Variants in ARHGEF3 observed in about 807,000 individuals in gnomAD.
ARHGEF3 encodes 59.8 kDA protein.
Under a neutral mutation model 63.2 loss-of-function variants are expected in ARHGEF3, and 28 were observed. The observed-to-expected ratio is 0.44, with a 90% CI of 0.33 to 0.61. The LOEUF (loss-of-function observed/expected upper bound fraction) is 0.61, where lower values mean the gene tolerates loss of function less well. Among genes scored for constraint, ARHGEF3 ranks in the 20% least tolerant of loss-of-function variants. The pLI is 0.03. For synonymous variants in ARHGEF3, 266 were observed against 254.2 expected, an observed-to-expected ratio of 1.05 and a Z score of -0.44; for missense variants, 533 against 659.3, an observed-to-expected ratio of 0.81 and a Z score of 2.10.
At position 56,936,411 on chromosome 3, in the gene ARHGEF3, C is replaced by T. The variant is rs1160395908; in HGVS notation, c.129+22412G>A. Among the ~76,000 whole-genome samples, 3 of 152,334 alleles carry T rather than the reference C, an allele frequency of 2.0e-5. No homozygotes were observed. The East Asian group carries it at 5.8e-4, about 29-fold the overall frequency. On this transcript the variant is annotated intron_variant, in intron 3 of 12. Transcript: ENST00000338458. ...GCAAGTGCCTATTCTTTGCCAAAAA[C>T]TCTGTCTAAAATATTCACCAAAATA...
chr3:56,977,165 T>G (rs1337429874), intron 2 of ARHGEF3: 3 of 445,238 alleles, frequency 6.7e-6, no homozygotes, highest in African/African-American at 6.0e-5. Context: ...TCCAGGATCC[T>G]GCCCCAGAGC....
chr3:56,782,263 G>A (rs1442152644), intron 1 of ARHGEF3, among the ~76,000 whole-genome samples: 2 of 152,040 alleles, frequency 1.3e-5, no homozygotes, highest in Non-Finnish European at 2.9e-5. Flanking sequence ...AAATCCCAAC[G>A]GAAACCTGAC....
intron 4 of ARHGEF3, among the ~76,000 whole-genome samples, chr3:56,835,979 T>C (rs1286342647): frequency 6.6e-6 from 1 of 152,220 alleles, no homozygotes; most frequent in Non-Finnish European, 1.5e-5. Context: ...AGAAAAATCA[T>C]GTCTCTTAGA....
intron 6 of ARHGEF3, among the ~76,000 whole-genome samples, chr3:56,750,654 T>C (rs1236213037): frequency 1.3e-5 from 2 of 151,738 alleles, no homozygotes; most frequent in South Asian, 4.1e-4. Context: ...AGAATTTTTT[T>C]TTAATAGCAT....
intron 1 of ARHGEF3, among the ~76,000 whole-genome samples, chr3:57,059,944 G>A (rs533055944): frequency 9.9e-5 from 15 of 151,988 alleles, no homozygotes; most frequent in Non-Finnish European, 1.6e-4. Context: ...TGCAGTCAGC[G>A]GAGATCACGC....
intron 2 of ARHGEF3, among the ~76,000 whole-genome samples, chr3:57,023,911 C>G (rs1703363440): frequency 1.3e-5 from 2 of 152,228 alleles, no homozygotes; most frequent in South Asian, 4.1e-4. Context: ...CAAGAGTCGG[C>G]CTGTGCCATT....
At chr3:56,886,524 A>G (rs2040930738) in intron 3 of ARHGEF3, among the ~76,000 whole-genome samples, 1 of 152,262 alleles carries the variant, frequency 6.6e-6, no homozygotes, top group South Asian at 2.1e-4. Context: ...AGAGTAGCTC[A>G]TGGAAGAAAT....
At chr3:57,079,145 CG>C in intron 1 of ARHGEF3, 2 of 382,496 alleles carry the variant, frequency 5.2e-6, no homozygotes, top group African/African-American at 2.1e-5. Flanking sequence ...GGAGACCTAG[CG>C]GGGGTGTCCC....
intron 2 of ARHGEF3, among the ~76,000 whole-genome samples, chr3:56,968,268 TA>T (rs1376246289): frequency 1.0e-4 from 4 of 38,260 alleles, no homozygotes; most frequent in African/African-American, 2.2e-4. Context: ...TTTAAATATA[TA>T]ATATATAAAA....
At chr3:57,062,639 G>GT (rs1705292048) in intron 1 of ARHGEF3, among the ~76,000 whole-genome samples, 1 of 152,208 alleles carries the variant, frequency 6.6e-6, no homozygotes, top group South Asian at 2.1e-4. Context: ...CTATGTAGCT[G>GT]TTTAACAAGC....
At chr3:56,786,378 T>G (rs543269367) in intron 1 of ARHGEF3, among the ~76,000 whole-genome samples, 3 of 152,304 alleles carry the variant, frequency 2.0e-5, no homozygotes, top group East Asian at 3.9e-4. Context: ...CTATAATGGA[T>G]TCATCTGGCA....
intron 2 of ARHGEF3, among the ~76,000 whole-genome samples, chr3:56,767,680 A>C (rs2035786408): frequency 6.6e-6 from 1 of 151,062 alleles, no homozygotes; most frequent in East Asian, 2.0e-4. Flanking sequence ...TTTTTTGGTG[A>C]TGGGAAGTAG....
intron 4 of ARHGEF3, among the ~76,000 whole-genome samples, chr3:56,860,264 A>C (rs899074643): frequency 1.6e-4 from 24 of 151,958 alleles, no homozygotes; most frequent in African/African-American, 5.8e-4. Context: ...TGCAGCCTCA[A>C]ATTCCTGGGC....
intron 2 of ARHGEF3, among the ~76,000 whole-genome samples, chr3:56,978,104 G>A (rs1362709528): frequency 9.9e-5 from 15 of 152,154 alleles, no homozygotes; most frequent in African/African-American, 2.4e-4. Flanking sequence ...GGTCACCCCC[G>A]CCCCGTACTA....
intron 4 of ARHGEF3, among the ~76,000 whole-genome samples, chr3:56,832,688 C>T (rs1001990073): frequency 2.0e-5 from 3 of 152,206 alleles, no homozygotes; most frequent in Non-Finnish European, 4.4e-5. Context: ...ATTATATTCA[C>T]AATGCTGTAC....
intron 3 of ARHGEF3, among the ~76,000 whole-genome samples, chr3:56,899,499 TACA>T: frequency 6.6e-6 from 1 of 152,266 alleles, no homozygotes; most frequent in African/African-American, 2.4e-5. Context: ...AGAATTTATT[TACA>T]TTAGTTTGTG....
At position 57,054,115 on chromosome 3, in the gene ARHGEF3, C is replaced by A. The variant is rs535299255; in HGVS notation, c.-27-18939G>T. Reference sequence around the variant, plus strand: ...CAAAATGGTTGTACCAATTCATACTCCCACTAGCAGTGTGTGTGAGTTCCA... The same window carrying A: ...CAAAATGGTTGTACCAATTCATACTACCACTAGCAGTGTGTGTGAGTTCCA... On this transcript the variant is annotated intron_variant, in intron 1 of 12. Coordinates refer to the ARHGEF3 transcript ENST00000338458. Among the ~76,000 whole-genome samples the A allele has an allele frequency of 3.3e-5, 5 of 152,284 alleles. No individual in the cohort carries two copies. The East Asian group carries it at 9.6e-4, about 29-fold the overall frequency.
chr3:56,968,280 TATATATAATATATATA>T (rs1213266420), intron 2 of ARHGEF3, among the ~76,000 whole-genome samples: 4 of 26,838 alleles, frequency 1.5e-4, no homozygotes, highest in Non-Finnish European at 2.8e-4. Flanking sequence ...ATATATAAAA[TATATATAATATATATA>T]ATATATAATA....
intron 2 of ARHGEF3, among the ~76,000 whole-genome samples, chr3:57,003,013 AC>A (rs1259351628): frequency 1.3e-5 from 2 of 151,332 alleles, no homozygotes; most frequent in African/African-American, 2.4e-5. Context: ...AGGTGATCCC[AC>A]CCACCTCGGC....
Sources: allele counts gnomAD v4.1 joint callset (sites outside exome capture counted in the v4.1 genomes callset), GRCh38; gene constraint gnomAD v4.1.1; transcripts MANE v1.5; gene names NCBI Gene and HGNC (gene_info 2026-07-23, HGNC 2026-07-21).